The following PHTF1 variants were observed in gnomAD, a reference collection of about 807,000 sequenced individuals.
PHTF1 encodes protein PHTF1.
A neutral mutation model predicts 102.4 loss-of-function variants in PHTF1; 88 were observed. The observed-to-expected ratio is 0.86, with a 90% CI of 0.72 to 1.03. PHTF1 has a LOEUF of 1.03. PHTF1 is among the 50% of genes least tolerant of loss of function. PHTF1 has a pLI of 0.00. For missense variants in PHTF1, 814 were observed against 909.5 expected (o/e 0.89, Z 1.35); for synonymous variants, 289 against 305.2 (o/e 0.95, Z 0.55).
chr1:113,722,758 CAA>C (rs759616769), intron 7 of PHTF1, among the ~76,000 whole-genome samples: 11 of 123,086 alleles, frequency 8.9e-5, no homozygotes, highest in Admixed American at 8.3e-5. Flanking sequence ...ACTAAAAATA[CAA>C]AAAAAAAAAA....
chr1:113,744,113 T>G (rs1411695205), intron 3 of PHTF1, among the ~76,000 whole-genome samples: 1 of 152,192 alleles, frequency 6.6e-6, no homozygotes, highest in Non-Finnish European at 1.5e-5. Flanking sequence ...CAGGAAAAGA[T>G]TGTAGGACAG....
intron 3 of PHTF1, among the ~76,000 whole-genome samples, chr1:113,745,232 A>G (rs1657045162): frequency 6.6e-6 from 1 of 152,184 alleles, no homozygotes; most frequent in Non-Finnish European, 1.5e-5. Flanking sequence ...CCATGCTAGG[A>G]GTATGATTTT....
At chr1:113,712,251 A>G (rs1227032259) in intron 8 of PHTF1, 138 bp from the exon 9 acceptor site, 8 of 620,834 alleles carry the variant, frequency 1.3e-5, no homozygotes, top group Non-Finnish European at 2.3e-5. Context: ...ACAAATCCAT[A>G]TATTACTTAA....
chr1:113,712,035 T>C lies in PHTF1; in HGVS notation c.862A>G (p.Ile288Val). 1.2e-6 allele frequency: 2 copies of C among 1,613,856 alleles called. No individual in the cohort carries two copies. The highest frequency in any genetic ancestry group is 2.2e-5 in the East Asian group (1 of 44,876). Residue 288 changes from isoleucine to valine, a missense_variant, in exon 9 of 19, where the codon ATA becomes GTA. Ile to Val is a conservative substitution (Grantham distance 29, BLOSUM62 3). Transcript: ENST00000369604. ...CCTTCCACACTCCTACGCAATAATATCATCTGTGTCCGTGCTTCACCATCT... is the reference window on the plus strand; with the variant it reads ...CCTTCCACACTCCTACGCAATAATACCATCTGTGTCCGTGCTTCACCATCT... ...EEDGEARTQM[I>V]LLRRSVEGAS...
intron 3 of PHTF1, among the ~76,000 whole-genome samples, chr1:113,740,186 A>G (rs1385741427): frequency 6.6e-6 from 1 of 152,186 alleles, no homozygotes; most frequent in Non-Finnish European, 1.5e-5. Context: ...ATTTACATTC[A>G]TACCACCAGT....
intron 3 of PHTF1, among the ~76,000 whole-genome samples, chr1:113,755,397 G>C (rs1456048693): frequency 6.6e-6 from 1 of 152,058 alleles, no homozygotes; most frequent in African/African-American, 2.4e-5. Flanking sequence ...TCAGCACCTA[G>C]TACAAGAGTG....
At chr1:113,759,668 C>A (rs147887501), upstream of PHTF1, among the ~76,000 whole-genome samples, 20 of 152,368 alleles carry the variant, frequency 1.3e-4, no homozygotes, top group East Asian at 3.9e-3. Context: ...AGAGCAGCTC[C>A]CTCAGATCAC....
intron 5 of PHTF1, among the ~76,000 whole-genome samples, chr1:113,730,619 G>A (rs1230636): frequency 0.012 from 1,865 of 152,190 alleles, 48 homozygotes; most frequent in African/African-American, 0.043. Flanking sequence ...TTAATAAAGC[G>A]GCTGGTTATA....
chr1:113,719,299 G>A (rs1652554471), intron 7 of PHTF1, among the ~76,000 whole-genome samples: 1 of 152,060 alleles, frequency 6.6e-6, no homozygotes, highest in African/African-American at 2.4e-5. Flanking sequence ...CACCACGCCT[G>A]GCCTGGGTTT....
upstream of PHTF1, among the ~76,000 whole-genome samples, chr1:113,759,642 G>C (rs1659432186): frequency 6.6e-6 from 1 of 152,234 alleles, no homozygotes; most frequent in Non-Finnish European, 1.5e-5. Context: ...GGAGTCGCGC[G>C]GCATATCGAT....
intron 15 of PHTF1, among the ~76,000 whole-genome samples, chr1:113,701,315 C>T (rs762757846): frequency 3.9e-5 from 6 of 152,160 alleles, no homozygotes; most frequent in Non-Finnish European, 8.8e-5. Context: ...AAACATGTGG[C>T]TCATTCCACT....
At chr1:113,724,987 T>C in intron 6 of PHTF1, 94 bp from the exon 7 acceptor site, 1 of 823,570 alleles carries the variant, frequency 1.2e-6, no homozygotes, top group Non-Finnish European at 1.9e-6. Context: ...GACAAATTAC[T>C]ACCTTAAATC....
intron 17 of PHTF1, among the ~76,000 whole-genome samples, chr1:113,698,616 T>TACACACAC (rs751234625): frequency 3.5e-5 from 4 of 114,120 alleles, no homozygotes; most frequent in African/African-American, 1.6e-4. Flanking sequence ...TTTATATATA[T>TACACACAC]ATATACACAC....
In PHTF1 at chr1:113,710,393, TC is replaced by T. The variant is rs774999865; in HGVS notation, c.1129del (p.Glu377ArgfsTer29). The T allele has an allele frequency of 6.2e-7, 1 of 1,614,140 alleles. No homozygotes were observed. The highest frequency in any genetic ancestry group is 1.1e-5 in the South Asian group (1 of 91,084). On this transcript the variant is annotated frameshift_variant, in exon 11 of 19. Coordinates refer to ENST00000369604, the MANE Select transcript of PHTF1 (RefSeq NM_001323043.2). LOFTEE classifies it high-confidence loss of function. ...GTCGTCCCATAACATGTCCTCAGTC[TC>T]CGAGTCATGGCGGGTGCTTTCTGAG... ...RDSESTRHDS[E>X]TEDMLWDDLL...
At chr1:113,704,562 T>C (rs1649838705) in intron 14 of PHTF1, 104 bp downstream of exon 14, 2 of 775,450 alleles carry the variant, frequency 2.6e-6, no homozygotes, top group Admixed American at 2.7e-5. Flanking sequence ...GCTGCTATAA[T>C]CTGCCTGACA....
At position 113,712,020 on chromosome 1, in the gene PHTF1, T is replaced by C. The variant is rs1377266297; in HGVS notation, c.877A>G (p.Ser293Gly). The C allele has an allele frequency of 6.2e-7, 1 of 1,613,796 alleles. No individual in the cohort carries two copies. The highest frequency in any genetic ancestry group is 8.5e-7 in the Non-Finnish European group (1 of 1,179,808). The change falls in exon 9 of 19, where the codon AGT becomes GGT. Residue 293 changes from serine to glycine, a missense_variant. By Grantham distance (56) the Ser-to-Gly change is moderately conservative. Coordinates refer to ENST00000369604, the MANE Select transcript of PHTF1 (RefSeq NM_001323043.2). ...ARTQMILLRR[S>G]VEGASSDNGC... ...TTGTCACTTGAGGCCCCTTCCACAC[T>C]CCTACGCAATAATATCATCTGTGTC...
At chr1:113,737,952 T>C (rs573431098) in intron 5 of PHTF1, among the ~76,000 whole-genome samples, 158 bp downstream of exon 5, 1 of 152,358 alleles carries the variant, frequency 6.6e-6, no homozygotes, top group African/African-American at 2.4e-5. Flanking sequence ...TCATAGCAGA[T>C]AATTTTAATA....
intron 3 of PHTF1, among the ~76,000 whole-genome samples, chr1:113,754,410 CAA>C (rs199692959): frequency 8.6e-5 from 11 of 128,230 alleles, no homozygotes; most frequent in Admixed American, 1.6e-4. Context: ...GACCCTGTCT[CAA>C]AAAAAAAAAA....
At chr1:113,699,446 A>T in intron 17 of PHTF1, 1 of 615,098 alleles carries the variant, frequency 1.6e-6, no homozygotes, top group Middle Eastern at 3.9e-4. Context: ...CAGGGACTTG[A>T]TCTTCATGTC....
Sources: gnomAD v4.1 joint callset for allele counts (sites outside exome capture counted in the v4.1 genomes callset) on GRCh38, gnomAD v4.1.1 for gene constraint, MANE v1.5 for transcripts, NCBI Gene and HGNC (gene_info 2026-07-23, HGNC 2026-07-21) for gene names.